Variants in CTNND2 observed in about 807,000 individuals in gnomAD.
CTNND2 encodes the protein catenin delta-2.
In CTNND2, 22 loss-of-function variants were observed where a neutral mutation model predicts 144.4. The observed-to-expected ratio is 0.15, with a 90% CI of 0.11 to 0.22. CTNND2 has a LOEUF of 0.22. CTNND2 is among the 10% of genes least tolerant of loss of function. CTNND2 has a pLI of 1.00. For missense variants in CTNND2, 1,353 were observed against 1,618.8 expected (o/e 0.84, Z 2.82); for synonymous variants, 751 against 695.6 (o/e 1.08, Z -1.25).
chr5:11,644,670 T>C (rs912207225), intron 2 of CTNND2, among the ~76,000 whole-genome samples: 15 of 133,116 alleles, frequency 1.1e-4, no homozygotes, highest in Admixed American at 5.3e-4. Flanking sequence ...CAAGACTCCA[T>C]CTCAAAAAAA....
At chr5:11,587,663 A>G (rs983933706) in intron 2 of CTNND2, among the ~76,000 whole-genome samples, 5 of 152,084 alleles carry the variant, frequency 3.3e-5, no homozygotes, top group African/African-American at 1.2e-4. Context: ...TAAGGTGAAA[A>G]TCATTTTGTA....
chr5:11,388,162 A>G (rs1444262723), intron 6 of CTNND2, among the ~76,000 whole-genome samples: 2 of 152,248 alleles, frequency 1.3e-5, no homozygotes, highest in Non-Finnish European at 2.9e-5. Context: ...AAAATTTTAT[A>G]TACTGTTTAA....
Position 11,684,304 on chromosome 5 carries a change from A to G in CTNND2, c.174+47832T>C, listed in dbSNP as rs563485569. On this transcript the variant is annotated intron_variant, in intron 2 of 21. Coordinates refer to ENST00000304623, the MANE Select transcript of CTNND2 (RefSeq NM_001332.4). The stretch of plus-strand genomic sequence containing the variant: ...TTTTTAGTGGAGACGGGGTTTCACC[A>G]TGTTAGCCAGGATGGTCTTGATCCC... 1.5e-3 allele frequency among the ~76,000 whole-genome samples: 223 copies of G among 151,998 alleles called. 3 individuals are homozygous for G. The highest frequency in any genetic ancestry group is 5.4e-3 in the African/African-American group (222 of 41,456).
intron 9 of CTNND2, among the ~76,000 whole-genome samples, chr5:11,248,922 G>T (rs1743289038): frequency 6.6e-6 from 1 of 152,156 alleles, no homozygotes; most frequent in Non-Finnish European, 1.5e-5. Flanking sequence ...TTCGAAGAAT[G>T]CCAACTTAAT....
At chr5:11,461,230 C>A (rs61758959) in intron 3 of CTNND2, among the ~76,000 whole-genome samples, 4 of 151,816 alleles carry the variant, frequency 2.6e-5, no homozygotes, top group Non-Finnish European at 5.9e-5. Flanking sequence ...AATAAACGTG[C>A]GCTGAAGGGA....
At chr5:11,761,534 A>T (rs1362339760) in intron 1 of CTNND2, among the ~76,000 whole-genome samples, 1 of 151,866 alleles carries the variant, frequency 6.6e-6, no homozygotes, top group Admixed American at 6.6e-5. Flanking sequence ...TACAATATCT[A>T]GTAACAATCT....
chr5:11,365,829 G>A (rs577375386), intron 7 of CTNND2, among the ~76,000 whole-genome samples: 6 of 152,260 alleles, frequency 3.9e-5, no homozygotes, highest in South Asian at 4.1e-4. Context: ...GAAACGTCAC[G>A]AAAATCATTT....
intron 16 of CTNND2, among the ~76,000 whole-genome samples, chr5:11,068,129 C>A (rs1561252075): frequency 6.6e-6 from 1 of 152,172 alleles, no homozygotes; most frequent in Non-Finnish European, 1.5e-5. Flanking sequence ...TAAGTTTAAA[C>A]TTTAATAATT....
intron 3 of CTNND2, among the ~76,000 whole-genome samples, chr5:11,517,014 G>T (rs1224833652): frequency 6.6e-6 from 1 of 152,100 alleles, no homozygotes; most frequent in Non-Finnish European, 1.5e-5. Context: ...TATTTCTTAG[G>T]CAAGCATATT....
chr5:10,999,908 G>A (rs964498615), intron 18 of CTNND2, among the ~76,000 whole-genome samples: 9 of 152,026 alleles, frequency 5.9e-5, no homozygotes, highest in Admixed American at 4.6e-4. Flanking sequence ...AGCTACAATC[G>A]TCCATACGGG....
intron 13 of CTNND2, among the ~76,000 whole-genome samples, chr5:11,115,477 G>C (rs551779484): frequency 1.3e-5 from 2 of 152,152 alleles, no homozygotes; most frequent in Non-Finnish European, 2.9e-5. Context: ...GAGCATTGCC[G>C]CTTCAGTGAT....
intron 10 of CTNND2, among the ~76,000 whole-genome samples, chr5:11,220,462 G>C (rs1431104023): frequency 1.3e-5 from 2 of 152,060 alleles, no homozygotes; most frequent in Non-Finnish European, 2.9e-5. Flanking sequence ...TCCATACTTG[G>C]GGTTCCAAAG....
intron 2 of CTNND2, among the ~76,000 whole-genome samples, chr5:11,699,002 GT>G (rs1785273799): frequency 6.7e-6 from 1 of 148,900 alleles, no homozygotes; most frequent in Non-Finnish European, 1.5e-5. Context: ...TACAATTTAT[GT>G]ATTAACTATA....
chr5:11,741,726 AAATT>A (rs1376365762), intron 1 of CTNND2, among the ~76,000 whole-genome samples: 2 of 149,046 alleles, frequency 1.3e-5, no homozygotes, highest in Non-Finnish European at 3.0e-5. Flanking sequence ...AATAAAAAAT[AAATT>A]GTCTTATATA....
chr5:10,984,280 A>G (rs148659241), intron 20 of CTNND2, among the ~76,000 whole-genome samples: 3 of 152,298 alleles, frequency 2.0e-5, no homozygotes, highest in African/African-American at 7.2e-5. Flanking sequence ...GGACACCCAT[A>G]GAGTAAGTGC....
intron 9 of CTNND2, among the ~76,000 whole-genome samples, chr5:11,333,006 T>C (rs777100423): frequency 6.6e-6 from 1 of 152,234 alleles, no homozygotes; most frequent in Non-Finnish European, 1.5e-5. Context: ...TTAAACTTGT[T>C]TGTCTTTATA....
intron 3 of CTNND2, among the ~76,000 whole-genome samples, chr5:11,489,801 T>C (rs1769213003): frequency 6.6e-6 from 1 of 152,218 alleles, no homozygotes; most frequent in South Asian, 2.1e-4. Flanking sequence ...AGATTTATTA[T>C]TAGGAAAGCA....
In CTNND2 at chr5:11,311,779, TCACACACA is replaced by T. The variant is rs113111244; in HGVS notation, c.1628+34585_1628+34592del. Among the ~76,000 whole-genome samples, 714 of 105,408 alleles carry T rather than the reference TCACACACA, an allele frequency of 6.8e-3. 4 individuals are homozygous for T. The highest frequency in any genetic ancestry group is 0.023 in the African/African-American group (576 of 25,436). 69.2% of individuals were successfully genotyped at this position (105,408 alleles called of 152,430 possible). A position where few individuals can be genotyped will look rare whatever the true frequency, so the allele number is the denominator to read the frequency against. On this transcript the variant is annotated intron_variant, in intron 9 of 21. Transcript: ENST00000304623. ...CACTCACTCTCCATGCACCCTCACC[TCACACACA>T]CACACACACACACACTCCCCATACA...
intron 16 of CTNND2, among the ~76,000 whole-genome samples, chr5:11,041,485 C>T (rs547661716): frequency 2.0e-5 from 3 of 152,268 alleles, no homozygotes; most frequent in South Asian, 2.1e-4. Context: ...CCTAACCCTC[C>T]TGACTCCTTC....
Sources: gnomAD v4.1 joint callset for allele counts (sites outside exome capture counted in the v4.1 genomes callset) on GRCh38, gnomAD v4.1.1 for gene constraint, MANE v1.5 for transcripts, NCBI Gene and HGNC (gene_info 2026-07-23, HGNC 2026-07-21) for gene names.